RAD54B: variants seen among roughly 807,000 people sequenced by gnomAD.
RAD54B encodes the protein DNA repair and recombination protein RAD54B.
Under a neutral mutation model 95.8 loss-of-function variants are expected in RAD54B, and 78 were observed. That is an observed-to-expected ratio of 0.81 (90% confidence interval 0.68 to 0.98). The LOEUF (loss-of-function observed/expected upper bound fraction) is 0.98. RAD54B is among the 50% of genes least tolerant of loss of function. The probability of loss-of-function intolerance (pLI) is 0.00; values close to 1 mark genes in which losing one functional copy is unlikely to be tolerated. For synonymous variants in RAD54B, 328 were observed against 354.9 expected, an observed-to-expected ratio of 0.92 and a Z score of 0.85; for missense variants, 957 against 1,056.6, an observed-to-expected ratio of 0.91 and a Z score of 1.31.
At chr8:94,430,899 T>C in intron 3 of RAD54B, 2 of 985,424 alleles carry the variant, frequency 2.0e-6, no homozygotes, top group Non-Finnish European at 2.4e-6. Flanking sequence ...CTACATTCAC[T>C]TAAAATCAAT....
intron 3 of RAD54B, among the ~76,000 whole-genome samples, chr8:94,427,221 G>A (rs571148910): frequency 6.6e-6 from 1 of 152,072 alleles, no homozygotes; most frequent in Non-Finnish European, 1.5e-5. Flanking sequence ...TGTCAGGACT[G>A]ATATGAGCGA....
chr8:94,427,692 A>G, intron 3 of RAD54B: 2 of 982,226 alleles, frequency 2.0e-6, no homozygotes, highest in Non-Finnish European at 1.2e-6. Flanking sequence ...TCTTAACGGC[A>G]CACAAAAAAA....
intron 3 of RAD54B, among the ~76,000 whole-genome samples, chr8:94,416,471 C>T (rs1381183710): frequency 3.3e-5 from 5 of 151,018 alleles, no homozygotes. Flanking sequence ...ACATATGTAA[C>T]TAACCTGCAC....
intron 8 of RAD54B, among the ~76,000 whole-genome samples, chr8:94,395,459 C>T (rs577097935): frequency 6.6e-6 from 1 of 152,274 alleles, no homozygotes; most frequent in South Asian, 2.1e-4. Flanking sequence ...TTGCTGCTTA[C>T]CCCTAAATCA....
In RAD54B at chr8:94,387,283, G is replaced by A; in HGVS notation, c.1810-124C>T. 2.6e-6 allele frequency: 2 copies of A among 768,486 alleles called. 1 individual carries two copies. Among genetic ancestry groups the A allele is most frequent in the South Asian group, 4.2e-5 (2 of 47,562 alleles). The allele number at this position is 768,486 out of a possible 1,614,324, so 47.6% of individuals were successfully genotyped here. On this transcript the variant is annotated intron_variant, in intron 10 of 14. Transcript: ENST00000336148. ...GGCTATCTGAAAAGTCCAAGAAACT[G>A]TTAGGTAAATCTTTATAGGTCATGA...
chr8:94,395,049 C>T (rs1483172757), intron 8 of RAD54B, among the ~76,000 whole-genome samples: 1 of 152,076 alleles, frequency 6.6e-6, no homozygotes, highest in African/African-American at 2.4e-5. Flanking sequence ...AAAGAATATG[C>T]ATGATGATGA....
At chr8:94,466,790 G>T (rs899617680) in intron 2 of RAD54B, among the ~76,000 whole-genome samples, 3 of 152,148 alleles carry the variant, frequency 2.0e-5, no homozygotes, top group Non-Finnish European at 2.9e-5. Context: ...CTCTTTAAAT[G>T]ACCTTAAAGA....
chr8:94,388,521 CAG>C (rs1057321480), intron 10 of RAD54B, among the ~76,000 whole-genome samples: 22 of 152,312 alleles, frequency 1.4e-4, no homozygotes, highest in African/African-American at 5.1e-4. Context: ...ACAGCACACA[CAG>C]GGGTCAGCCC....
intron 10 of RAD54B, among the ~76,000 whole-genome samples, chr8:94,388,458 G>A (rs373850383): frequency 3.9e-5 from 6 of 152,260 alleles, no homozygotes; most frequent in South Asian, 2.1e-4. Flanking sequence ...TAGGCTATTC[G>A]TAGTTCAGTT....
intron 3 of RAD54B, chr8:94,436,687 G>C (rs1280821436): frequency 6.4e-7 from 1 of 1,550,642 alleles, no homozygotes; most frequent in East Asian, 2.4e-5. Flanking sequence ...TGTTCGAGGA[G>C]GGCGGTCTAC....
At chr8:94,441,661 C>T (rs1040396892) in intron 3 of RAD54B, among the ~76,000 whole-genome samples, 25 of 152,162 alleles carry the variant, frequency 1.6e-4, no homozygotes, top group African/African-American at 5.6e-4. Context: ...AAATCACTGG[C>T]CACTGGTAAT....
chr8:94,411,968 T>C (rs548382835), intron 3 of RAD54B, among the ~76,000 whole-genome samples: 15 of 152,252 alleles, frequency 9.9e-5, no homozygotes, highest in African/African-American at 3.4e-4. Context: ...ACAATAGATT[T>C]CTTGAACTTA....
chr8:94,425,423 T>C (rs1309293253), intron 3 of RAD54B, among the ~76,000 whole-genome samples: 1 of 152,040 alleles, frequency 6.6e-6, no homozygotes, highest in African/African-American at 2.4e-5. Context: ...AAATTTAAAA[T>C]GTCTCATATA....
chr8:94,464,947 T>A (rs964986631), intron 2 of RAD54B, among the ~76,000 whole-genome samples: 3 of 151,932 alleles, frequency 2.0e-5, no homozygotes, highest in African/African-American at 7.2e-5. Context: ...CAACCAGATA[T>A]CATGTGGACT....
intron 3 of RAD54B, among the ~76,000 whole-genome samples, chr8:94,419,026 T>C (rs112269105): frequency 5.9e-5 from 9 of 152,162 alleles, no homozygotes; most frequent in African/African-American, 1.9e-4. Flanking sequence ...AATTTCACAC[T>C]ACACTTAAAG....
chr8:94,406,056 T>C (rs1361338218), intron 5 of RAD54B, among the ~76,000 whole-genome samples: 1 of 151,658 alleles, frequency 6.6e-6, no homozygotes, highest in African/African-American at 2.4e-5. Flanking sequence ...TGTACACATA[T>C]ATATACATTT....
intron 3 of RAD54B, among the ~76,000 whole-genome samples, chr8:94,427,241 T>G (rs1359502107): frequency 1.3e-5 from 2 of 151,806 alleles, no homozygotes; most frequent in African/African-American, 4.8e-5. Context: ...ATATTTTTAT[T>G]TTTATTTTTA....
At chr8:94,376,716 ATATT>A (rs1308427163) in intron 14 of RAD54B, among the ~76,000 whole-genome samples, 5 of 148,654 alleles carry the variant, frequency 3.4e-5, no homozygotes, top group African/African-American at 4.9e-5. Flanking sequence ...GTGCATGATT[ATATT>A]TATTATATTT....
At position 94,393,635 on chromosome 8, in the gene RAD54B, T is replaced by TA. The variant is rs1174355080; in HGVS notation, c.1518+107dup. On this transcript the variant is annotated intron_variant, in intron 9 of 14. Transcript: ENST00000336148. ...AGAAACGAAGGATTGTGGAGAAAAA[T>TA]AAAGAGTTCACACTATTGATTTTTC... The TA allele has an allele frequency of 2.8e-6, 3 of 1,068,964 alleles. No individual in the cohort carries two copies. In the Admixed American group the frequency reaches 7.8e-5, roughly 28 times the overall value. 66.2% of individuals were successfully genotyped at this position (1,068,964 alleles called of 1,614,324 possible).
Sources: gnomAD v4.1 joint callset for allele counts (sites outside exome capture counted in the v4.1 genomes callset) on GRCh38, gnomAD v4.1.1 for gene constraint, MANE v1.5 for transcripts, NCBI Gene and HGNC (gene_info 2026-07-23, HGNC 2026-07-21) for gene names.